The following CACNA1C variants were observed in gnomAD, a reference collection of about 807,000 sequenced individuals.
The protein encoded by CACNA1C is voltage-dependent L-type calcium channel subunit alpha-1C.
In CACNA1C, 30 loss-of-function variants were observed where a neutral mutation model predicts 229.0. The observed-to-expected ratio is 0.13, with a 90% confidence interval of 0.10 to 0.18. The LOEUF is 0.18. Ranked by LOEUF, CACNA1C falls within the 10% of genes least tolerant of loss-of-function variation. CACNA1C has a pLI of 1.00. For missense variants in CACNA1C, 1,658 were observed against 2,845.0 expected (o/e 0.58, Z 9.49); for synonymous variants, 1,114 against 1,132.5 (o/e 0.98, Z 0.33).
Position 2,691,149 on chromosome 12 carries a change from C to A in CACNA1C, c.6367C>A (p.Pro2123Thr). 6.2e-7 allele frequency: 1 copy of A among 1,605,964 alleles called. No homozygotes were observed. Residue 2123 changes from proline to threonine, a missense_variant, in exon 47 of 47, where the codon CCG becomes ACG. Pro to Thr is a conservative substitution (Grantham distance 38). Around this residue, in one of 20 missense-constraint regions of CACNA1C, gnomAD observed 590 missense variants for 700.8 expected, o/e 0.84. Transcript: ENST00000399655. Reference sequence around the variant, plus strand: ...GGGCTGTGTGCGCGCGCGGGGTCGACCGAGTGAGGAGGAGCTCCAGGACAG... The same window carrying A: ...GGGCTGTGTGCGCGCGCGGGGTCGAACGAGTGAGGAGGAGCTCCAGGACAG... ...DAGCVRARGR[P>T]SEEELQDSRV...
chr12:2,668,687 T>A, intron 37 of CACNA1C: 1 of 462,008 alleles, frequency 2.2e-6, no homozygotes, highest in Admixed American at 3.5e-5. Flanking sequence ...GACCACACAC[T>A]TACTTAAACA....
At chr12:2,659,071 G>T (rs997736919) in intron 34 of CACNA1C, among the ~76,000 whole-genome samples, 1 of 151,988 alleles carries the variant, frequency 6.6e-6, no homozygotes, top group African/African-American at 2.4e-5. Context: ...AATTTGTGTA[G>T]CCTAAGTTTA....
intron 30 of CACNA1C, among the ~76,000 whole-genome samples, chr12:2,644,138 T>C (rs990167937): frequency 3.3e-5 from 5 of 152,176 alleles, no homozygotes; most frequent in African/African-American, 1.2e-4. Context: ...TCCCATGACA[T>C]TACTTTTGAC....
chr12:2,542,187 C>T (rs938587178), intron 9 of CACNA1C, among the ~76,000 whole-genome samples: 1 of 152,182 alleles, frequency 6.6e-6, no homozygotes, highest in East Asian at 1.9e-4. Context: ...AATCCTTTGC[C>T]AAAACCCCTT....
intron 3 of CACNA1C, among the ~76,000 whole-genome samples, chr12:2,430,915 C>A (rs1354165358): frequency 6.6e-6 from 1 of 152,176 alleles, no homozygotes; most frequent in Admixed American, 6.5e-5. Context: ...CCACTGCTGA[C>A]TCCATGTCCC....
chr12:2,588,412 C>G (rs2063534679), intron 18 of CACNA1C, among the ~76,000 whole-genome samples: 1 of 152,188 alleles, frequency 6.6e-6, no homozygotes, highest in Admixed American at 6.5e-5. Context: ...TCTCCTGCTC[C>G]CTCCCTGTCT....
At position 2,336,860 on chromosome 12, in the gene CACNA1C, A is replaced by G. The variant is rs936359527; in HGVS notation, c.478-112116A>G. ...GGGAGAAAGGAGCGAGTGGAGTGCC[A>G]TGTCGGGCAGGGTTGGGACACAGGA... On this transcript the variant is annotated intron_variant, in intron 3 of 46. Transcript: ENST00000399655. Among the ~76,000 whole-genome samples, 5 of 152,114 alleles carry G rather than the reference A, an allele frequency of 3.3e-5. No homozygotes were observed. In the East Asian group the frequency reaches 7.7e-4, roughly 23 times the overall value.
At chr12:1,998,989 AG>A (rs1184605660) in intron 1 of CACNA1C, among the ~76,000 whole-genome samples, 1 of 152,234 alleles carries the variant, frequency 6.6e-6, no homozygotes, top group East Asian at 1.9e-4. Context: ...AAGGCACACA[AG>A]GCATGATCCT....
chr12:2,476,242 G>A (rs1381060111), intron 5 of CACNA1C, among the ~76,000 whole-genome samples: 2 of 152,232 alleles, frequency 1.3e-5, no homozygotes, highest in Non-Finnish European at 2.9e-5. Flanking sequence ...GAGGGAAGGA[G>A]CAGCATCTGC....
chr12:2,362,393 C>T (rs898861148), intron 3 of CACNA1C, among the ~76,000 whole-genome samples: 24 of 152,164 alleles, frequency 1.6e-4, no homozygotes, highest in Non-Finnish European at 2.2e-4. Context: ...GCCTGTGGCT[C>T]GGGATACTTC....
chr12:2,051,684 A>T (rs2052265138), upstream of CACNA1C, among the ~76,000 whole-genome samples: 1 of 152,194 alleles, frequency 6.6e-6, no homozygotes, highest in African/African-American at 2.4e-5. Context: ...AAAGGAGTCA[A>T]GAGTGACTCC....
At chr12:2,208,099 C>T (rs975494125) in intron 3 of CACNA1C, among the ~76,000 whole-genome samples, 2 of 152,130 alleles carry the variant, frequency 1.3e-5, no homozygotes, top group African/African-American at 4.8e-5. Context: ...CGCCATGGCT[C>T]TTGGAATTTC....
chr12:2,592,871 G>A (rs1014459749), intron 18 of CACNA1C, among the ~76,000 whole-genome samples: 1 of 151,990 alleles, frequency 6.6e-6, no homozygotes, highest in Non-Finnish European at 1.5e-5. Flanking sequence ...GCAGTGCCCT[G>A]TCCTACCTGG....
chr12:2,156,416 G>A (rs904318923), intron 3 of CACNA1C, among the ~76,000 whole-genome samples: 2 of 152,178 alleles, frequency 1.3e-5, no homozygotes, highest in African/African-American at 2.4e-5. Context: ...TAAAGGAATC[G>A]TTAAAAAATG....
At chr12:2,450,394 A>G (rs575410740) in intron 4 of CACNA1C, among the ~76,000 whole-genome samples, 1 of 151,728 alleles carries the variant, frequency 6.6e-6, no homozygotes, top group Non-Finnish European at 1.5e-5. Flanking sequence ...CTCTACTAAA[A>G]ATACAAAAAC....
chr12:2,226,532 C>T (rs970014999), intron 3 of CACNA1C, among the ~76,000 whole-genome samples: 5 of 152,166 alleles, frequency 3.3e-5, no homozygotes, highest in African/African-American at 1.2e-4. Flanking sequence ...GATTTCAAGC[C>T]CCATCTAGAT....
intron 4 of CACNA1C, among the ~76,000 whole-genome samples, chr12:2,452,661 T>C (rs1265480556): frequency 6.6e-6 from 1 of 152,152 alleles, no homozygotes; most frequent in African/African-American, 2.4e-5. Flanking sequence ...CCTACACCCA[T>C]GTTTGAATTT....
chr12:2,064,556 G>C (rs1009155522), intron 1 of CACNA1C, among the ~76,000 whole-genome samples: 1 of 152,178 alleles, frequency 6.6e-6, no homozygotes, highest in Non-Finnish European at 1.5e-5. Context: ...GCTTCCCAGG[G>C]CTCTCACCTG....
chr12:2,565,328 G>A lies in CACNA1C; in HGVS notation c.1509-1094G>A, dbSNP rs571724227. 2.8e-3 allele frequency among the ~76,000 whole-genome samples: 427 copies of A among 151,850 alleles called. 2 individuals are homozygous for A. Among genetic ancestry groups the A allele is most frequent in the African/African-American group, 9.6e-3 (397 of 41,412 alleles). ...TAAAAATACAAAAAATTAGCCGGGC[G>A]CGGTGGCGGGCGCCTGTAGTCCCAG... On this transcript the variant is annotated intron_variant, in intron 11 of 46. Transcript: ENST00000399655.
Sources: gnomAD v4.1 joint callset for allele counts (sites outside exome capture counted in the v4.1 genomes callset) on GRCh38, gnomAD v4.1.1 for gene constraint, gnomAD v4.1.1 regional missense constraint, MANE v1.5 for transcripts, NCBI Gene and HGNC (gene_info 2026-07-23, HGNC 2026-07-21) for gene names.